The following TAMM41 variants were observed in gnomAD, a reference collection of about 807,000 sequenced individuals.
TAMM41 encodes the protein TAM41 mitochondrial translocator assembly and maintenance homolog, also known as phosphatidate cytidylyltransferase, mitochondrial.
Under a neutral mutation model 44.1 loss-of-function variants are expected in TAMM41, and 36 were observed. The ratio of observed to expected loss-of-function variants is 0.82; its 90% confidence interval spans 0.63 to 1.08. The LOEUF is 1.08. Ranked by LOEUF, TAMM41 falls within the 50% of genes least tolerant of loss-of-function variation. The pLI is 0.00. For missense variants in TAMM41, 417 were observed against 404.3 expected (o/e 1.03, Z -0.27); for synonymous variants, 164 against 153.1 (o/e 1.07, Z -0.53).
At chr3:11,751,516 C>T in the TAMM41 span, among the ~76,000 whole-genome samples, 525 of 152,264 alleles carry the variant, frequency 3.4e-3, 2 homozygotes, top group African/African-American at 0.012. Flanking sequence ...CAGAGCCTGC[C>T]GTGCTGGGGC....
Position 11,817,272 on chromosome 3 carries a change from C to A in TAMM41, c.628G>T (p.Ala210Ser). ...CTGCCATAGAGCTCTCGAAAGTGGG[C>A]TATATTGGGCTTCACAATATTCAAC... ...KVLNIVKPNI[A>S]HFRELYGSIL... The change falls in exon 5 of 8, where the codon GCC becomes TCC. Residue 210 changes from alanine (A) to serine (S), a missense_variant. Coordinates refer to ENST00000455809, the MANE Select transcript of TAMM41 (RefSeq NM_001284401.2). The A allele has an allele frequency of 6.2e-7, 1 of 1,613,468 alleles. No individual in the cohort carries two copies. Among genetic ancestry groups the A allele is most frequent in the Non-Finnish European group, 8.5e-7 (1 of 1,179,460 alleles).
the TAMM41 span, among the ~76,000 whole-genome samples, chr3:11,780,141 G>A: frequency 2.0e-5 from 3 of 152,112 alleles, no homozygotes; most frequent in African/African-American, 7.2e-5. Flanking sequence ...ACACTCTCTA[G>A]CTCAAAAATC....
chr3:11,725,376 T>A, the TAMM41 span, among the ~76,000 whole-genome samples: 1 of 145,114 alleles, frequency 6.9e-6, no homozygotes, highest in South Asian at 2.3e-4. Context: ...CTCCTCCTCC[T>A]CTTCCTCCTC....
chr3:11,811,864 C>A (rs1386663239), intron 5 of TAMM41, among the ~76,000 whole-genome samples: 1 of 152,160 alleles, frequency 6.6e-6, no homozygotes, highest in African/African-American at 2.4e-5. Flanking sequence ...CTGTGCAGCT[C>A]TGTGACTATA....
At chr3:11,836,821 G>T (rs1273996259) in intron 3 of TAMM41, among the ~76,000 whole-genome samples, 5 of 152,106 alleles carry the variant, frequency 3.3e-5, no homozygotes, top group Non-Finnish European at 5.9e-5. Context: ...AAAAACCCTT[G>T]GAAATAAAAT....
chr3:11,809,228 T>G (rs555325512), intron 6 of TAMM41: 15 of 420,136 alleles, frequency 3.6e-5, no homozygotes, highest in Non-Finnish European at 5.9e-5. Context: ...ACACATCTTT[T>G]AAATAAATTC....
intron 3 of TAMM41, among the ~76,000 whole-genome samples, chr3:11,838,068 C>G (rs1437268224): frequency 6.6e-6 from 1 of 152,214 alleles, no homozygotes; most frequent in Non-Finnish European, 1.5e-5. Context: ...GGGCTCAGTT[C>G]CACAAGCCTC....
intron 4 of TAMM41, among the ~76,000 whole-genome samples, chr3:11,823,049 C>CT (rs1465245612): frequency 1.3e-5 from 2 of 152,104 alleles, no homozygotes; most frequent in African/African-American, 4.8e-5. Flanking sequence ...TCTTGCCTTT[C>CT]TTTTTTATCA....
the TAMM41 span, among the ~76,000 whole-genome samples, chr3:11,744,751 G>C: frequency 1.3e-5 from 2 of 152,200 alleles, no homozygotes; most frequent in East Asian, 3.9e-4. Flanking sequence ...AATAGATTGG[G>C]CATGGTGGCT....
chr3:11,734,941 C>CG, the TAMM41 span, among the ~76,000 whole-genome samples: 22 of 148,860 alleles, frequency 1.5e-4, no homozygotes, highest in East Asian at 3.8e-3. Context: ...CCCAGCTATT[C>CG]GGGGGGCTGA....
chr3:11,739,285 C>A, the TAMM41 span, among the ~76,000 whole-genome samples: 64 of 152,306 alleles, frequency 4.2e-4, 1 homozygote, highest in African/African-American at 1.5e-3. Flanking sequence ...GTGTTTGCAG[C>A]AGCTAGTGAC....
chr3:11,769,510 A>G, the TAMM41 span, among the ~76,000 whole-genome samples: 5 of 152,094 alleles, frequency 3.3e-5, no homozygotes, highest in African/African-American at 1.2e-4. Context: ...CTTTGTTACA[A>G]CTTCTCAACT....
chr3:11,786,056 A>G (rs2077414835), downstream of TAMM41, among the ~76,000 whole-genome samples: 1 of 151,784 alleles, frequency 6.6e-6, no homozygotes, highest in South Asian at 2.1e-4. Context: ...TGAAAACTTA[A>G]TGACTTTTTA....
At chr3:11,745,342 C>G in the TAMM41 span, among the ~76,000 whole-genome samples, 1 of 152,014 alleles carries the variant, frequency 6.6e-6, no homozygotes, top group Non-Finnish European at 1.5e-5. Context: ...AAAAATAAAT[C>G]AATAAAAGGG....
At chr3:11,727,771 T>C in the TAMM41 span, among the ~76,000 whole-genome samples, 16 of 148,086 alleles carry the variant, frequency 1.1e-4, no homozygotes, top group Non-Finnish European at 8.9e-5. Flanking sequence ...GGCCTATTTC[T>C]TTTTTTTTCT....
chr3:11,777,395 C>T, the TAMM41 span, among the ~76,000 whole-genome samples: 2 of 152,186 alleles, frequency 1.3e-5, no homozygotes, highest in African/African-American at 4.8e-5. Context: ...TACTAAATGA[C>T]GTCAGGATTA....
In TAMM41 at chr3:11,839,367, T is replaced by A. The variant is rs1352085733; in HGVS notation, c.319-53A>T. ...CGGAGTAAAATACCATGTTATTGCT[T>A]ATACAAGTATAAAATATAAGGAAAC... On this transcript the variant is annotated intron_variant, in intron 2 of 7. Transcript: ENST00000455809. The A allele has an allele frequency of 3.5e-6, 4 of 1,137,086 alleles. No homozygotes were observed. The Admixed American group carries it at 7.7e-5, about 22-fold the overall frequency. The allele number at this position is 1,137,086 out of a possible 1,614,324, so 70.4% of individuals were successfully genotyped here. A position where few individuals can be genotyped will look rare whatever the true frequency, so the allele number is the denominator to read the frequency against.
chr3:11,740,703 T>A, the TAMM41 span, among the ~76,000 whole-genome samples: 1 of 151,730 alleles, frequency 6.6e-6, no homozygotes, highest in Non-Finnish European at 1.5e-5. Context: ...GTAGCTGGGA[T>A]TAGGGGCGCC....
chr3:11,725,328 CTTTTTTTCTTCTCCTCCTCCTCCTTT>C, the TAMM41 span, among the ~76,000 whole-genome samples: 1 of 118,888 alleles, frequency 8.4e-6, no homozygotes, highest in East Asian at 2.9e-4. Flanking sequence ...CCTCCTCCTC[CTTTTTTTCTTCTCCTCCTCCTCCTTT>C]TTTTTCTTCT....
Sources: allele counts gnomAD v4.1 joint callset (sites outside exome capture counted in the v4.1 genomes callset), GRCh38; gene constraint gnomAD v4.1.1; transcripts MANE v1.5; gene names NCBI Gene and HGNC (gene_info 2026-07-23, HGNC 2026-07-21).